The following FRMD4A variants were observed in gnomAD, a reference collection of about 807,000 sequenced individuals.
FRMD4A encodes the protein FERM domain-containing protein 4A.
A neutral mutation model predicts 129.1 loss-of-function variants in FRMD4A; 29 were observed. The observed-to-expected ratio is 0.22, with a 90% confidence interval of 0.17 to 0.31. The LOEUF (loss-of-function observed/expected upper bound fraction) is 0.31. FRMD4A is among the 10% of genes least tolerant of loss of function. The pLI is 1.00. For synonymous variants in FRMD4A, 634 were observed against 571.6 expected (o/e 1.11, Z -1.56); for missense variants, 1,272 against 1,375.8 (o/e 0.92, Z 1.19).
intron 2 of FRMD4A, among the ~76,000 whole-genome samples, chr10:14,096,477 G>A (rs747885886): frequency 2.0e-5 from 3 of 152,212 alleles, no homozygotes; most frequent in Non-Finnish European, 4.4e-5. Context: ...AATCCCACTC[G>A]ATGTAGGGAG....
chr10:13,790,406 T>A (rs565770964), intron 5 of FRMD4A, among the ~76,000 whole-genome samples: 1 of 152,200 alleles, frequency 6.6e-6, no homozygotes, highest in East Asian at 1.9e-4. Flanking sequence ...GAGACTGCAG[T>A]GGCAGCTGTG....
In FRMD4A at chr10:14,158,126, G is replaced by T. The variant is rs1045855887; in HGVS notation, c.45+171932C>A. On this transcript the variant is annotated intron_variant, in intron 2 of 24. Transcript: ENST00000357447. ...TAAAGAGCCTTGAATGTCATATAAAGGTGGGGGGTGGGGGAAATCTCCTTG... is the reference window on the plus strand; with the variant it reads ...TAAAGAGCCTTGAATGTCATATAAATGTGGGGGGTGGGGGAAATCTCCTTG... 5.9e-5 allele frequency among the ~76,000 whole-genome samples: 9 copies of T among 152,182 alleles called. No individual in the cohort carries two copies. In the East Asian group the frequency reaches 1.5e-3, roughly 26 times the overall value.
At chr10:14,215,627 C>T (rs1379629093) in intron 2 of FRMD4A, among the ~76,000 whole-genome samples, 1 of 152,038 alleles carries the variant, frequency 6.6e-6, no homozygotes, top group African/African-American at 2.4e-5. Flanking sequence ...CAATTCCCCA[C>T]CGAATACGGT....
intron 2 of FRMD4A, among the ~76,000 whole-genome samples, chr10:14,194,829 C>T (rs10796171): frequency 0.35 from 52,983 of 151,418 alleles, 9,404 homozygotes; most frequent in East Asian, 0.55. Flanking sequence ...TATTATATCA[C>T]ATTCATTTAT....
intron 2 of FRMD4A, among the ~76,000 whole-genome samples, chr10:14,141,993 A>G (rs1009781488): frequency 1.3e-5 from 2 of 152,188 alleles, no homozygotes; most frequent in African/African-American, 4.8e-5. Flanking sequence ...CTAACAGGCT[A>G]TGTTGCCACA....
At chr10:14,315,021 T>C (rs536837296) in intron 2 of FRMD4A, among the ~76,000 whole-genome samples, 2 of 152,312 alleles carry the variant, frequency 1.3e-5, no homozygotes, top group South Asian at 4.2e-4. Context: ...TTTTTGTCTT[T>C]CTTGAAAGTT....
At chr10:14,235,741 G>A (rs1449080538) in intron 2 of FRMD4A, among the ~76,000 whole-genome samples, 1 of 152,206 alleles carries the variant, frequency 6.6e-6, no homozygotes, top group Admixed American at 6.5e-5. Context: ...GGATTCCAGA[G>A]TGCAGCAGAA....
intron 2 of FRMD4A, among the ~76,000 whole-genome samples, chr10:14,181,178 C>T (rs1841900542): frequency 6.6e-6 from 1 of 152,226 alleles, no homozygotes; most frequent in Non-Finnish European, 1.5e-5. Context: ...ATCATAAACA[C>T]TTCAGCTGGA....
intron 3 of FRMD4A, among the ~76,000 whole-genome samples, chr10:13,813,313 C>T (rs533639004): frequency 3.3e-5 from 5 of 152,266 alleles, no homozygotes; most frequent in South Asian, 4.1e-4. Context: ...GGCGTGGTGG[C>T]GTGTGCTTGT....
At chr10:14,194,472 G>T (rs1324847628) in intron 2 of FRMD4A, among the ~76,000 whole-genome samples, 1 of 152,186 alleles carries the variant, frequency 6.6e-6, no homozygotes, top group South Asian at 2.1e-4. Context: ...TTAGCCGGGC[G>T]TGGTGGCAGG....
intron 2 of FRMD4A, among the ~76,000 whole-genome samples, chr10:14,094,624 C>G (rs1007614046): frequency 6.6e-6 from 1 of 152,062 alleles, no homozygotes; most frequent in African/African-American, 2.4e-5. Flanking sequence ...TCCATGTGGC[C>G]CTGCTGGAAA....
chr10:13,960,333 C>G (rs1449723606), intron 2 of FRMD4A, among the ~76,000 whole-genome samples: 1 of 152,160 alleles, frequency 6.6e-6, no homozygotes, highest in African/African-American at 2.4e-5. Flanking sequence ...TTTTTTGAGA[C>G]GTTAAGGAAT....
At chr10:14,330,259 G>C (rs1218445) in intron 1 of FRMD4A, 76 bp from the exon 2 acceptor site, 110,966 of 688,846 alleles carry the variant, frequency 0.16, 11,088 homozygotes, top group African/African-American at 0.38. Context: ...TTTCACACAG[G>C]GTGGGGAGGA....
At chr10:14,205,049 TTTC>T (rs1842740841) in intron 2 of FRMD4A, among the ~76,000 whole-genome samples, 1 of 47,440 alleles carries the variant, frequency 2.1e-5, no homozygotes, top group Non-Finnish European at 4.1e-5. Context: ...TCATCTTTTT[TTTC>T]TTTTCTTTCT....
chr10:13,906,816 C>T (rs532310765), intron 2 of FRMD4A, among the ~76,000 whole-genome samples: 2 of 152,330 alleles, frequency 1.3e-5, no homozygotes, highest in Middle Eastern at 3.4e-3. Flanking sequence ...TCGCCCTGCT[C>T]GTGTGTGAAT....
intron 2 of FRMD4A, among the ~76,000 whole-genome samples, chr10:13,936,897 G>A (rs923222564): frequency 3.3e-5 from 5 of 152,094 alleles, no homozygotes; most frequent in South Asian, 2.1e-4. Context: ...TGGCACACTC[G>A]TGTTAACTAA....
intron 4 of FRMD4A, among the ~76,000 whole-genome samples, chr10:13,802,175 T>C (rs920628312): frequency 2.6e-5 from 4 of 152,204 alleles, no homozygotes; most frequent in African/African-American, 4.8e-5. Flanking sequence ...GCAATAGAAA[T>C]TGGACGCATT....
intron 6 of FRMD4A, among the ~76,000 whole-genome samples, 158 bp downstream of exon 6, chr10:13,782,764 G>T (rs533728736): frequency 2.2e-4 from 34 of 152,224 alleles, no homozygotes; most frequent in African/African-American, 8.2e-4. Context: ...ATTAAATGGT[G>T]CCGTTAGCTT....
chr10:14,128,249 G>A (rs1205953307), intron 2 of FRMD4A, among the ~76,000 whole-genome samples: 1 of 151,520 alleles, frequency 6.6e-6, no homozygotes, highest in Admixed American at 6.6e-5. Context: ...GATTACAGGT[G>A]CATGCTACCA....
Sources: gnomAD v4.1 joint callset for allele counts (sites outside exome capture counted in the v4.1 genomes callset) on GRCh38, gnomAD v4.1.1 for gene constraint, MANE v1.5 for transcripts, NCBI Gene and HGNC (gene_info 2026-07-23, HGNC 2026-07-21) for gene names.